Variants in TBL1XR1 observed in about 807,000 individuals in gnomAD.
The protein encoded by TBL1XR1 is F-box-like/WD repeat-containing protein TBL1XR1.
A neutral mutation model predicts 66.9 loss-of-function variants in TBL1XR1; 5 were observed. The observed-to-expected ratio is 0.07, with a 90% CI of 0.04 to 0.16. The LOEUF (loss-of-function observed/expected upper bound fraction) is 0.16, where lower values mean the gene tolerates loss of function less well. TBL1XR1 is among the 10% of genes least tolerant of loss of function. The pLI, the probability that TBL1XR1 is intolerant of heterozygous loss-of-function variation, is 1.00. For missense variants in TBL1XR1, 238 were observed against 623.2 expected, an observed-to-expected ratio of 0.38 and a Z score of 6.58; for synonymous variants, 210 against 206.0, an observed-to-expected ratio of 1.02 and a Z score of -0.17.
intron 1 of TBL1XR1, among the ~76,000 whole-genome samples, chr3:177,176,288 CT>C (rs1413598416): frequency 6.6e-6 from 1 of 151,386 alleles, no homozygotes; most frequent in East Asian, 2.0e-4. Context: ...CCTCCGCCCC[CT>C]GGGCTCAAGC....
intron 1 of TBL1XR1, among the ~76,000 whole-genome samples, chr3:177,171,871 A>G (rs1045536746): frequency 3.9e-5 from 6 of 152,142 alleles, no homozygotes; most frequent in African/African-American, 1.4e-4. Flanking sequence ...CAAAGGACAG[A>G]GCATGTTGAA....
intron 1 of TBL1XR1, among the ~76,000 whole-genome samples, chr3:177,151,287 G>GT (rs1345549250): frequency 6.6e-6 from 1 of 152,200 alleles, no homozygotes; most frequent in Non-Finnish European, 1.5e-5. Context: ...TTACCAGTGT[G>GT]TATCAAAAGC....
chr3:177,166,475 G>A (rs1732836923), intron 1 of TBL1XR1, among the ~76,000 whole-genome samples: 1 of 152,134 alleles, frequency 6.6e-6, no homozygotes, highest in African/African-American at 2.4e-5. Flanking sequence ...GGTGCTGAGG[G>A]AAGGGCCTCA....
chr3:177,142,909 G>C (rs1729791601), intron 1 of TBL1XR1, among the ~76,000 whole-genome samples: 1 of 151,754 alleles, frequency 6.6e-6, no homozygotes, highest in Non-Finnish European at 1.5e-5. Flanking sequence ...TTACCCACCT[G>C]AAGACAAAAA....
chr3:177,062,159 T>C (rs1718597067), intron 3 of TBL1XR1, among the ~76,000 whole-genome samples: 1 of 152,218 alleles, frequency 6.6e-6, no homozygotes. Context: ...CAAACACAAA[T>C]ATACACTTTC....
rs1416299216 is a variant in TBL1XR1, at chr3:177,021,623, C to A, written c.*3875G>T. On this transcript the variant is annotated 3_prime_UTR_variant, in exon 16 of 16. Coordinates refer to ENST00000457928, the MANE Select transcript of TBL1XR1 (RefSeq NM_024665.7). ...TACTGGAAGGAGTAATTCATAACTT[C>A]CCTACCCTCCTTCCATCCCTGCTGA... 6.6e-6 allele frequency: 1 copy of A among 152,532 alleles called. No individual in the cohort carries two copies. The highest frequency in any genetic ancestry group is 1.5e-5 in the Non-Finnish European group (1 of 67,986). 9.4% of individuals were successfully genotyped at this position (152,532 alleles called of 1,614,324 possible).
At chr3:177,201,200 C>T (rs181781842), upstream of TBL1XR1, among the ~76,000 whole-genome samples, 412 of 151,738 alleles carry the variant, frequency 2.7e-3, 2 homozygotes, top group African/African-American at 9.6e-3. Flanking sequence ...ATCACGAGGT[C>T]GGGAGTTCGA....
At chr3:177,108,830 C>T (rs562722896) in intron 1 of TBL1XR1, among the ~76,000 whole-genome samples, 12 of 152,136 alleles carry the variant, frequency 7.9e-5, no homozygotes, top group African/African-American at 2.9e-4. Context: ...CCTGGAAATG[C>T]GTCCTCTTTG....
At chr3:177,099,389 G>A (rs775228206) in intron 1 of TBL1XR1, 1 of 152,312 alleles carries the variant, frequency 6.6e-6, no homozygotes, top group Non-Finnish European at 1.5e-5. Context: ...CAACAAAAAA[G>A]TTATACTTCA....
chr3:177,168,865 A>G (rs937726935), intron 1 of TBL1XR1, among the ~76,000 whole-genome samples: 2 of 152,198 alleles, frequency 1.3e-5, no homozygotes, highest in African/African-American at 4.8e-5. Flanking sequence ...ATCTTCAGCC[A>G]TTTTATGGTT....
rs1735468347 is a variant in TBL1XR1 at position 177,186,811 on chromosome 3, C to T, written c.-122+10310G>A. On this transcript the variant is annotated intron_variant, in intron 1 of 15. Transcript: ENST00000457928. ...TCATAAAATTGAAATCATGGCCAGT[C>T]GTGGTGTCTCACACCTGTAATCCCA... 7.2e-5 allele frequency among the ~76,000 whole-genome samples: 11 copies of T among 152,172 alleles called. 1 individual carries two copies. The highest frequency in any genetic ancestry group is 7.2e-4 in the Admixed American group (11 of 15,276).
intron 1 of TBL1XR1, among the ~76,000 whole-genome samples, chr3:177,158,229 CTT>C (rs869191638): frequency 3.2e-4 from 13 of 40,642 alleles, no homozygotes; most frequent in Non-Finnish European, 4.0e-4. Context: ...TGTTTCTTTT[CTT>C]TTTTTTTTTT....
At chr3:177,065,055 G>A (rs1035459598) in intron 2 of TBL1XR1, 33 bp from the exon 3 acceptor site, 1 of 1,286,878 alleles carries the variant, frequency 7.8e-7, no homozygotes, top group South Asian at 1.8e-5. Context: ...TATTTTCTCA[G>A]TAAAATATTT....
At chr3:177,055,632 G>A (rs1416046643) in intron 3 of TBL1XR1, among the ~76,000 whole-genome samples, 1 of 152,018 alleles carries the variant, frequency 6.6e-6, no homozygotes, top group Non-Finnish European at 1.5e-5. Flanking sequence ...CTGAATATGA[G>A]TAGATTCCAG....
Sources: allele counts gnomAD v4.1 joint callset (sites outside exome capture counted in the v4.1 genomes callset), GRCh38; gene constraint gnomAD v4.1.1; transcripts MANE v1.5; gene names NCBI Gene and HGNC (gene_info 2026-07-23, HGNC 2026-07-21).